PTH2R: variants seen among roughly 807,000 people sequenced by gnomAD.
PTH2R encodes PTH2 receptor.
A neutral mutation model predicts 60.3 loss-of-function variants in PTH2R; 59 were observed. The ratio of observed to expected loss-of-function variants is 0.98; its 90% confidence interval spans 0.79 to 1.22. The LOEUF (loss-of-function observed/expected upper bound fraction) is 1.22. PTH2R is among the 50% of genes most tolerant of loss of function. The pLI is 0.00. For synonymous variants in PTH2R, 256 were observed against 243.8 expected, an observed-to-expected ratio of 1.05 and a Z score of -0.47; for missense variants, 749 against 682.6, an observed-to-expected ratio of 1.10 and a Z score of -1.08.
chr2:208,441,080 G>A (rs562829314), intron 4 of PTH2R, among the ~76,000 whole-genome samples: 1 of 152,310 alleles, frequency 6.6e-6, no homozygotes, highest in South Asian at 2.1e-4. Flanking sequence ...GCACAAGGCA[G>A]CAGCCAATTG....
chr2:208,407,109 C>T lies in PTH2R; in HGVS notation c.66C>T (p.Ala22=). 1 of 1,398,592 alleles carries T rather than the reference C, an allele frequency of 7.2e-7. No homozygotes were observed. 86.6% of individuals were successfully genotyped at this position (1,398,592 alleles called of 1,614,324 possible). Residue 22 remains alanine (A), a synonymous_variant, in exon 1 of 13, where the codon GCC becomes GCT. Coordinates refer to ENST00000272847, the MANE Select transcript of PTH2R (RefSeq NM_005048.4). ...GWLMLGSCLL[A]RAQLDSDGTI... is the part of the protein sequence containing the mutation. ...TAATGCTCGGCAGCTGCCTCCTGGCCAGAGCCCAGGTAAGAGCCAGTGCTC... is the reference window on the plus strand; with the variant it reads ...TAATGCTCGGCAGCTGCCTCCTGGCTAGAGCCCAGGTAAGAGCCAGTGCTC...
intron 4 of PTH2R, among the ~76,000 whole-genome samples, chr2:208,439,130 G>C (rs1159875768): frequency 6.6e-6 from 1 of 152,006 alleles, no homozygotes; most frequent in Non-Finnish European, 1.5e-5. Context: ...AAACCTTTCA[G>C]AGCTGTTAAT....
At chr2:208,406,538 T>A (rs1403008373), upstream of PTH2R, among the ~76,000 whole-genome samples, 1 of 152,118 alleles carries the variant, frequency 6.6e-6, no homozygotes, top group Non-Finnish European at 1.5e-5. Context: ...TCTGGATCAC[T>A]CCTGGAAGAC....
chr2:208,447,895 C>T (rs1470778586), intron 7 of PTH2R, among the ~76,000 whole-genome samples: 1 of 152,060 alleles, frequency 6.6e-6, no homozygotes, highest in East Asian at 1.9e-4. Context: ...TTTATTTCAA[C>T]TACACATTTT....
intron 2 of PTH2R, among the ~76,000 whole-genome samples, chr2:208,432,756 A>G (rs1229798116): frequency 6.6e-6 from 1 of 152,226 alleles, no homozygotes; most frequent in Admixed American, 6.5e-5. Flanking sequence ...CAAAGGCCGA[A>G]GAACCTGGAG....
At chr2:208,412,302 G>A (rs981564099) in intron 1 of PTH2R, among the ~76,000 whole-genome samples, 1 of 152,220 alleles carries the variant, frequency 6.6e-6, no homozygotes, top group African/African-American at 2.4e-5. Flanking sequence ...CAGCTGTGCT[G>A]CATGACAGAT....
At position 208,449,460 on chromosome 2, in the gene PTH2R, T is replaced by TAGATAGAC. The variant is rs373496453; in HGVS notation, c.854-1282_854-1281insCAGATAGA. Among the ~76,000 whole-genome samples the TAGATAGAC allele has an allele frequency of 3.7e-3, 563 of 151,966 alleles. 6 individuals carry two copies. Among genetic ancestry groups the TAGATAGAC allele is most frequent in the African/African-American group, 0.013 (531 of 41,416 alleles). ...TGTGATAGATAGATAGATAAATAGA[T>TAGATAGAC]AGATAGATAGATAGATAGAATATGC... is the stretch of plus-strand genomic sequence containing the variant. On this transcript the variant is annotated intron_variant, in intron 7 of 12. Coordinates refer to ENST00000272847, the MANE Select transcript of PTH2R (RefSeq NM_005048.4).
intron 1 of PTH2R, among the ~76,000 whole-genome samples, chr2:208,399,999 C>G (rs948804986): frequency 1.3e-5 from 2 of 152,120 alleles, no homozygotes; most frequent in East Asian, 3.9e-4. Flanking sequence ...GTCTCTGGGG[C>G]CTTACCCCTT....
intron 9 of PTH2R, among the ~76,000 whole-genome samples, chr2:208,476,652 C>T (rs1293446362): frequency 6.6e-6 from 1 of 152,104 alleles, no homozygotes; most frequent in Non-Finnish European, 1.5e-5. Context: ...GAAAAATAAG[C>T]CAATACATGG....
At chr2:208,434,371 T>G (rs1027995635) in intron 2 of PTH2R, among the ~76,000 whole-genome samples, 1 of 152,110 alleles carries the variant, frequency 6.6e-6, no homozygotes, top group African/African-American at 2.4e-5. Context: ...TTTGTGAACA[T>G]TTACTATTCT....
chr2:208,364,614 T>A (rs1253424627), intron 1 of PTH2R, among the ~76,000 whole-genome samples: 1 of 152,200 alleles, frequency 6.6e-6, no homozygotes, highest in Non-Finnish European at 1.5e-5. Context: ...AGTACCACAC[T>A]GTTTTATTCT....
intron 1 of PTH2R, among the ~76,000 whole-genome samples, chr2:208,395,042 C>A (rs1314781661): frequency 6.6e-6 from 1 of 151,610 alleles, no homozygotes; most frequent in Non-Finnish European, 1.5e-5. Flanking sequence ...AGTCTGATTT[C>A]TTTTCTTTTT....
At chr2:208,377,281 G>A (rs958553706) in intron 1 of PTH2R, among the ~76,000 whole-genome samples, 8 of 152,108 alleles carry the variant, frequency 5.3e-5, no homozygotes. Flanking sequence ...TTTCTACACA[G>A]ACACAGCAAC....
At chr2:208,368,084 G>T (rs1176286939) in intron 1 of PTH2R, among the ~76,000 whole-genome samples, 1 of 152,096 alleles carries the variant, frequency 6.6e-6, no homozygotes, top group African/African-American at 2.4e-5. Context: ...TCCCAATTTT[G>T]CTGCCCATGT....
intron 10 of PTH2R, among the ~76,000 whole-genome samples, chr2:208,482,186 C>T (rs1253068533): frequency 1.3e-5 from 2 of 152,150 alleles, no homozygotes; most frequent in African/African-American, 2.4e-5. Flanking sequence ...CATAAGTCCT[C>T]GTTGATTTAG....
rs575212686 is a variant in PTH2R, at chr2:208,437,451, A to G, written c.179-86A>G. 9.0e-5 allele frequency: 97 copies of G among 1,081,184 alleles called. No individual in the cohort carries two copies. The East Asian group carries it at 2.3e-3, about 26-fold the overall frequency. 67.0% of individuals were successfully genotyped at this position (1,081,184 alleles called of 1,614,324 possible). A position where few individuals can be genotyped will look rare whatever the true frequency, so the allele number is the denominator to read the frequency against. On this transcript the variant is annotated intron_variant, in intron 2 of 12. Coordinates refer to ENST00000272847, the MANE Select transcript of PTH2R (RefSeq NM_005048.4). ...TTAATTTTGCTACAGACAATGACCT[A>G]AAATTTTGTTTTTTGAATGCATTTG...
chr2:208,475,950 C>T (rs1702991918), intron 9 of PTH2R, among the ~76,000 whole-genome samples: 1 of 152,040 alleles, frequency 6.6e-6, no homozygotes, highest in Non-Finnish European at 1.5e-5. Context: ...TAGGTGACTC[C>T]TGAGGAAGCT....
chr2:208,417,674 C>T (rs1334387717), intron 1 of PTH2R, among the ~76,000 whole-genome samples: 3 of 151,202 alleles, frequency 2.0e-5, no homozygotes, highest in Non-Finnish European at 2.9e-5. Flanking sequence ...CTCAGCCTCC[C>T]GAGTAGCTGG....
intron 9 of PTH2R, among the ~76,000 whole-genome samples, chr2:208,462,581 G>A (rs1331639645): frequency 6.6e-6 from 1 of 152,168 alleles, no homozygotes; most frequent in Non-Finnish European, 1.5e-5. Flanking sequence ...AACCCAAGTT[G>A]ATATGTTTTA....
Sources: allele counts gnomAD v4.1 joint callset (sites outside exome capture counted in the v4.1 genomes callset), GRCh38; gene constraint gnomAD v4.1.1; transcripts MANE v1.5; gene names NCBI Gene and HGNC (gene_info 2026-07-23, HGNC 2026-07-21).